Variants in ATP10B observed in about 807,000 individuals in gnomAD.
ATP10B encodes the protein phospholipid-transporting ATPase VB.
ATP10B carries 122 observed loss-of-function variants against 141.2 expected under a neutral mutation model. That is an observed-to-expected ratio of 0.86 (90% CI 0.75 to 1.00). The LOEUF (loss-of-function observed/expected upper bound fraction) is 1.00, where lower values mean the gene tolerates loss of function less well. ATP10B is among the 50% of genes least tolerant of loss of function. The probability of loss-of-function intolerance (pLI) is 0.00; values close to 1 mark genes in which losing one functional copy is unlikely to be tolerated. For missense variants in ATP10B, 1,876 were observed against 1,825.3 expected, an observed-to-expected ratio of 1.03 and a Z score of -0.51; for synonymous variants, 685 against 692.0, an observed-to-expected ratio of 0.99 and a Z score of 0.16.
chr5:160,795,366 C>T (rs1382334087), intron 1 of ATP10B, among the ~76,000 whole-genome samples: 2 of 152,140 alleles, frequency 1.3e-5, no homozygotes, highest in Non-Finnish European at 2.9e-5. Context: ...GAAGTCTTGA[C>T]TCAGATTGGT....
chr5:160,590,716 T>C (rs531697764), intron 23 of ATP10B, among the ~76,000 whole-genome samples: 106 of 152,230 alleles, frequency 7.0e-4, no homozygotes, highest in African/African-American at 2.5e-3. Context: ...TGAGTAAAGA[T>C]AGCCAGATGT....
chr5:160,610,064 A>G (rs1264470424), intron 18 of ATP10B, among the ~76,000 whole-genome samples: 1 of 152,194 alleles, frequency 6.6e-6, no homozygotes, highest in East Asian at 1.9e-4. Context: ...GGTGGTTCCC[A>G]GTGATCTCCA....
intron 3 of ATP10B, among the ~76,000 whole-genome samples, chr5:160,704,914 C>CATCTTTTTTT (rs1764895267): frequency 1.2e-5 from 1 of 83,624 alleles, no homozygotes; most frequent in Non-Finnish European, 2.0e-5. Context: ...TTTCTTTCAT[C>CATCTTTTTTT]TTTTTTTTTT....
chr5:160,606,680 T>C (rs932394387), intron 19 of ATP10B, 85 bp downstream of exon 19: 3 of 1,382,982 alleles, frequency 2.2e-6, no homozygotes, highest in Admixed American at 3.9e-5. Context: ...ATTCTGACTT[T>C]GAGACCTGAC....
At chr5:160,921,175 G>A in the ATP10B span, among the ~76,000 whole-genome samples, 1 of 151,692 alleles carries the variant, frequency 6.6e-6, no homozygotes, top group African/African-American at 2.4e-5. Flanking sequence ...ATCAAATATT[G>A]TCATTCTTTC....
the ATP10B span, among the ~76,000 whole-genome samples, chr5:160,902,799 TGA>T: frequency 1.3e-5 from 2 of 152,204 alleles, no homozygotes; most frequent in Non-Finnish European, 2.9e-5. Context: ...TCAAATGTTC[TGA>T]GAGATTGGAA....
intron 10 of ATP10B, among the ~76,000 whole-genome samples, chr5:160,639,839 G>A (rs988351626): frequency 2.6e-5 from 4 of 152,134 alleles, no homozygotes; most frequent in African/African-American, 9.7e-5. Flanking sequence ...TACCATAGTG[G>A]AATCAGTGGG....
intron 3 of ATP10B, among the ~76,000 whole-genome samples, chr5:160,709,182 G>A (rs956937785): frequency 1.3e-5 from 2 of 152,156 alleles, no homozygotes; most frequent in African/African-American, 4.8e-5. Flanking sequence ...AAATACAAGA[G>A]CATATCCTTA....
chr5:160,754,730 G>C, intron 2 of ATP10B, among the ~76,000 whole-genome samples: 1 of 152,150 alleles, frequency 6.6e-6, no homozygotes, highest in Non-Finnish European at 1.5e-5. Context: ...AACCCTCCTA[G>C]TGATGACAGG....
the ATP10B span, among the ~76,000 whole-genome samples, chr5:160,882,328 T>C: frequency 3.9e-5 from 6 of 152,172 alleles, no homozygotes; most frequent in African/African-American, 1.4e-4. Context: ...GGGATGTTGA[T>C]AATGGGAGAG....
the ATP10B span, among the ~76,000 whole-genome samples, chr5:160,912,615 A>G: frequency 1.3e-5 from 2 of 151,800 alleles, no homozygotes; most frequent in East Asian, 3.9e-4. Flanking sequence ...GAAAAGAGAA[A>G]AGAAAAGAAG....
At chr5:160,659,849 A>G (rs1761792739) in intron 7 of ATP10B, among the ~76,000 whole-genome samples, 1 of 152,226 alleles carries the variant, frequency 6.6e-6, no homozygotes. Flanking sequence ...CATCTAAAGA[A>G]AGTTAAGAAT....
chr5:160,606,619 G>T, intron 19 of ATP10B, 146 bp downstream of exon 19: 1 of 783,000 alleles, frequency 1.3e-6, no homozygotes, highest in Non-Finnish European at 2.0e-6. Context: ...GCTGCATCTT[G>T]ATTGTCATTT....
chr5:160,813,370 A>G (rs13161990), intron 1 of ATP10B, among the ~76,000 whole-genome samples: 52,015 of 149,932 alleles, frequency 0.35, 9,932 homozygotes, highest in East Asian at 0.44. Context: ...CTACGCCCAC[A>G]GAGCCTCGCT....
chr5:160,906,630 C>T, the ATP10B span, among the ~76,000 whole-genome samples: 1 of 152,146 alleles, frequency 6.6e-6, no homozygotes, highest in African/African-American at 2.4e-5. Flanking sequence ...CTTAAATATA[C>T]CAGAGTATTT....
chr5:160,659,034 T>G (rs1240497624), intron 7 of ATP10B, among the ~76,000 whole-genome samples: 1 of 152,182 alleles, frequency 6.6e-6, no homozygotes, highest in Non-Finnish European at 1.5e-5. Flanking sequence ...TACAATTGGT[T>G]AAGACAGTGA....
chr5:160,565,925 A>T lies in ATP10B; in HGVS notation c.3939-25T>A, dbSNP rs145419592. ...TCTGGTGGGAAACAACAGAATAAAG[A>T]TATTTCTGATTTCCACTGACTTCAT... is the stretch of plus-strand genomic sequence containing the variant. On this transcript the variant is annotated intron_variant, in intron 25 of 25. Coordinates refer to ENST00000327245, the MANE Select transcript of ATP10B (RefSeq NM_025153.3). The T allele has an allele frequency of 3.3e-5, 51 of 1,566,622 alleles. No individual in the cohort carries two copies. In the East Asian group the frequency reaches 1.1e-3, roughly 34 times the overall value.
At chr5:160,913,701 T>C in the ATP10B span, among the ~76,000 whole-genome samples, 11 of 152,172 alleles carry the variant, frequency 7.2e-5, no homozygotes, top group Admixed American at 2.6e-4. Context: ...CTCCTTTATG[T>C]ATTCTTTATG....
intron 1 of ATP10B, among the ~76,000 whole-genome samples, chr5:160,822,276 T>C (rs1465039480): frequency 6.6e-6 from 1 of 152,136 alleles, no homozygotes; most frequent in Admixed American, 6.5e-5. Context: ...TCAACATCAC[T>C]GATAATCAGG....
Sources: allele counts gnomAD v4.1 joint callset (sites outside exome capture counted in the v4.1 genomes callset), GRCh38; gene constraint gnomAD v4.1.1; transcripts MANE v1.5; gene names NCBI Gene and HGNC (gene_info 2026-07-23, HGNC 2026-07-21).